ERBB4: variants seen among roughly 807,000 people sequenced by gnomAD.
ERBB4 encodes the protein erb-b2 receptor tyrosine kinase 4, also known as receptor tyrosine-protein kinase erbB-4.
Under a neutral mutation model 158.0 loss-of-function variants are expected in ERBB4, and 42 were observed. The observed-to-expected ratio is 0.27, with a 90% CI of 0.21 to 0.34. The LOEUF is 0.34. ERBB4 is among the 10% of genes least tolerant of loss of function. The pLI, the probability that ERBB4 is intolerant of heterozygous loss-of-function variation, is 1.00. For synonymous variants in ERBB4, 583 were observed against 558.7 expected, an observed-to-expected ratio of 1.04 and a Z score of -0.61; for missense variants, 1,333 against 1,624.1, an observed-to-expected ratio of 0.82 and a Z score of 3.08.
chr2:211,524,658 C>G (rs1453244245), intron 20 of ERBB4, among the ~76,000 whole-genome samples: 1 of 145,722 alleles, frequency 6.9e-6, no homozygotes, highest in Non-Finnish European at 1.5e-5. Context: ...GGCAGGGCCG[C>G]CGGCTGCTCC....
chr2:212,489,233 T>C (rs1263004862), intron 1 of ERBB4, among the ~76,000 whole-genome samples: 1 of 151,872 alleles, frequency 6.6e-6, no homozygotes, highest in East Asian at 1.9e-4. Context: ...TAAGAGTAGA[T>C]GGAACTTGTG....
intron 4 of ERBB4, among the ~76,000 whole-genome samples, chr2:211,766,309 T>C (rs1411006831): frequency 6.6e-6 from 1 of 152,202 alleles, no homozygotes; most frequent in African/African-American, 2.4e-5. Context: ...CTTGTTCATC[T>C]TTCTCAGCTC....
chr2:212,285,999 A>G (rs1296711198), intron 1 of ERBB4, among the ~76,000 whole-genome samples: 1 of 152,160 alleles, frequency 6.6e-6, no homozygotes, highest in Non-Finnish European at 1.5e-5. Context: ...TGTCCTTTAC[A>G]TAGCATTAAG....
intron 2 of ERBB4, among the ~76,000 whole-genome samples, chr2:211,957,075 C>A (rs1204382269): frequency 3.9e-5 from 6 of 152,046 alleles, no homozygotes; most frequent in African/African-American, 1.4e-4. Flanking sequence ...AGCAATACTC[C>A]TGCCTTTGCC....
At chr2:212,183,507 G>C (rs753369323) in intron 1 of ERBB4, among the ~76,000 whole-genome samples, 1 of 151,832 alleles carries the variant, frequency 6.6e-6, no homozygotes, top group Non-Finnish European at 1.5e-5. Flanking sequence ...CTAAATTAGT[G>C]GACATAAAAG....
chr2:211,914,345 A>C (rs72933748), intron 3 of ERBB4, among the ~76,000 whole-genome samples: 1 of 152,214 alleles, frequency 6.6e-6, no homozygotes, highest in Non-Finnish European at 1.5e-5. Context: ...GAAAACCTAG[A>C]ATCAGAGCTA....
chr2:212,246,050 G>T (rs915505033), intron 1 of ERBB4, among the ~76,000 whole-genome samples: 3 of 152,104 alleles, frequency 2.0e-5, no homozygotes, highest in African/African-American at 7.2e-5. Flanking sequence ...GCAAATAGAT[G>T]ATCCTCTATG....
rs75714047 is a variant in ERBB4, at chr2:212,191,194, T to A, written c.83-66291A>T. Among the ~76,000 whole-genome samples the A allele has an allele frequency of 9.1e-3, 1,389 of 152,276 alleles. 15 individuals carry two copies. The highest frequency in any genetic ancestry group is 0.031 in the African/African-American group (1,280 of 41,546). On this transcript the variant is annotated intron_variant, in intron 1 of 27. Transcript: ENST00000342788. The stretch of plus-strand genomic sequence containing the variant: ...GAATCATGGACAAGACTTACTACAA[T>A]ACATATTGCATGTCATATCCCCTTT...
chr2:212,455,791 C>T (rs1043608375), intron 1 of ERBB4, among the ~76,000 whole-genome samples: 1 of 151,834 alleles, frequency 6.6e-6, no homozygotes, highest in East Asian at 1.9e-4. Context: ...CCATTTTATC[C>T]TGTAAGAATA....
In ERBB4 at chr2:211,375,984, A is replaced by T. The variant is rs2062465659; in HGVS notation, c.*7631T>A. On this transcript the variant is annotated 3_prime_UTR_variant, in exon 28 of 28. Transcript: ENST00000342788. ...GTTTCTCCCTCATTCTCAAATAACA[A>T]CAGGAATGAGGGAAAGGAAGGAGGA... 8.6e-6 allele frequency: 2 copies of T among 232,966 alleles called. No individual in the cohort carries two copies. Among genetic ancestry groups the T allele is most frequent in the East Asian group, 1.2e-4 (2 of 16,492 alleles). 14.4% of individuals were successfully genotyped at this position (232,966 alleles called of 1,614,324 possible). A position where few individuals can be genotyped will look rare whatever the true frequency, so the allele number is the denominator to read the frequency against.
chr2:212,395,857 T>A (rs1314171922), intron 1 of ERBB4, among the ~76,000 whole-genome samples: 1 of 152,082 alleles, frequency 6.6e-6, no homozygotes, highest in Non-Finnish European at 1.5e-5. Flanking sequence ...GACCTCGTGA[T>A]CTGCCTGCCT....
At chr2:211,870,811 A>G (rs781439423) in intron 3 of ERBB4, among the ~76,000 whole-genome samples, 2 of 152,140 alleles carry the variant, frequency 1.3e-5, no homozygotes, top group South Asian at 2.1e-4. Context: ...GAAAATCCCC[A>G]TCTGTGGACT....
chr2:211,802,291 T>A (rs2076518450), intron 3 of ERBB4, among the ~76,000 whole-genome samples: 1 of 151,278 alleles, frequency 6.6e-6, no homozygotes, highest in Non-Finnish European at 1.5e-5. Flanking sequence ...AAAACTGAAA[T>A]ACAGGTAGTG....
chr2:211,453,261 T>C (rs2064295547), intron 20 of ERBB4, among the ~76,000 whole-genome samples: 1 of 152,210 alleles, frequency 6.6e-6, no homozygotes, highest in Non-Finnish European at 1.5e-5. Context: ...TTCATGTCTT[T>C]AAAGTTTAAG....
chr2:211,601,511 C>T (rs2068799931), intron 19 of ERBB4, among the ~76,000 whole-genome samples: 1 of 151,788 alleles, frequency 6.6e-6, no homozygotes, highest in Non-Finnish European at 1.5e-5. Flanking sequence ...AAAGCCCCAA[C>T]TTTCATTGCT....
chr2:212,026,822 T>C (rs1172974588), intron 2 of ERBB4, among the ~76,000 whole-genome samples: 2 of 152,002 alleles, frequency 1.3e-5, no homozygotes, highest in African/African-American at 4.8e-5. Flanking sequence ...ACCTCTGTTT[T>C]GACACAAATA....
intron 3 of ERBB4, among the ~76,000 whole-genome samples, chr2:211,940,082 G>C (rs1234536354): frequency 6.6e-6 from 1 of 151,948 alleles, no homozygotes; most frequent in South Asian, 2.1e-4. Context: ...AAATCAGAAA[G>C]TGCAACAATC....
intron 1 of ERBB4, among the ~76,000 whole-genome samples, chr2:212,215,153 C>T (rs529630691): frequency 6.6e-6 from 1 of 151,640 alleles, no homozygotes; most frequent in South Asian, 2.1e-4. Flanking sequence ...GAGGTGATTA[C>T]TGTGTATACA....
intron 19 of ERBB4, among the ~76,000 whole-genome samples, chr2:211,606,918 G>A (rs2069002616): frequency 6.6e-6 from 1 of 152,078 alleles, no homozygotes; most frequent in African/African-American, 2.4e-5. Flanking sequence ...CCTTGTGTTC[G>A]CAAGTCTCCC....
Sources: gnomAD v4.1 joint callset for allele counts (sites outside exome capture counted in the v4.1 genomes callset) on GRCh38, gnomAD v4.1.1 for gene constraint, MANE v1.5 for transcripts, NCBI Gene and HGNC (gene_info 2026-07-23, HGNC 2026-07-21) for gene names.